Variants in NSFL1C observed in about 807,000 individuals in gnomAD.
NSFL1C encodes NSFL1 cofactor p47.
Under a neutral mutation model 43.1 loss-of-function variants are expected in NSFL1C, and 14 were observed. The ratio of observed to expected loss-of-function variants is 0.32; its 90% CI spans 0.21 to 0.51. The LOEUF (loss-of-function observed/expected upper bound fraction) is 0.51. Ranked by LOEUF, NSFL1C falls within the 20% of genes least tolerant of loss-of-function variation. The probability of loss-of-function intolerance (pLI) is 0.98; values close to 1 mark genes in which losing one functional copy is unlikely to be tolerated. For synonymous variants in NSFL1C, 171 were observed against 183.5 expected (o/e 0.93, Z 0.55); for missense variants, 406 against 472.5 (o/e 0.86, Z 1.30).
chr20:1,462,503 T>A (rs2090431659), intron 2 of NSFL1C, among the ~76,000 whole-genome samples: 1 of 151,640 alleles, frequency 6.6e-6, no homozygotes, highest in South Asian at 2.1e-4. Flanking sequence ...AAACTCTATG[T>A]CCTTGATTCT....
chr20:1,464,217 CCTT>C (rs1447453129), intron 2 of NSFL1C, 109 bp downstream of exon 2: 12 of 852,796 alleles, frequency 1.4e-5, no homozygotes, highest in African/African-American at 3.3e-5. Flanking sequence ...CTCAGTCTAA[CCTT>C]CTCATTCAGA....
At chr20:1,455,233 C>T (rs2090273299) in intron 3 of NSFL1C, 101 bp from the exon 4 acceptor site, 2 of 1,335,326 alleles carry the variant, frequency 1.5e-6, no homozygotes, top group Non-Finnish European at 2.2e-6. Context: ...GGGTACAATG[C>T]TTGTCTTTAA....
chr20:1,445,010 CAATA>C (rs1365018807), intron 8 of NSFL1C, among the ~76,000 whole-genome samples: 3 of 152,208 alleles, frequency 2.0e-5, no homozygotes, highest in African/African-American at 7.2e-5. Flanking sequence ...GGCTCATGAC[CAATA>C]ACATTTAGAC....
intron 5 of NSFL1C, 140 bp downstream of exon 5, chr20:1,454,073 C>T (rs560409434): frequency 3.8e-4 from 252 of 665,464 alleles, no homozygotes; most frequent in African/African-American, 3.0e-3. Flanking sequence ...CGTCTTTGTT[C>T]GTGAACCACA....
intron 2 of NSFL1C, among the ~76,000 whole-genome samples, chr20:1,459,355 G>A (rs1340227081): frequency 6.6e-6 from 1 of 152,194 alleles, no homozygotes; most frequent in East Asian, 1.9e-4. Context: ...GTGAAGATGT[G>A]CTTGCTTCCC....
chr20:1,457,698 C>T (rs894197948), intron 3 of NSFL1C, among the ~76,000 whole-genome samples: 1 of 152,222 alleles, frequency 6.6e-6, no homozygotes, highest in East Asian at 1.9e-4. Context: ...TGTTTCTGTG[C>T]CTGGCTTATT....
chr20:1,462,742 C>T (rs1410497836), intron 2 of NSFL1C, among the ~76,000 whole-genome samples: 2 of 152,112 alleles, frequency 1.3e-5, no homozygotes, highest in East Asian at 3.9e-4. Flanking sequence ...CCAGGATGGT[C>T]TCAATCTCCT....
At position 1,466,453 on chromosome 20, in the gene NSFL1C, C is replaced by T. The variant is rs572875378; in HGVS notation, c.105+267G>A. Reference sequence around the variant, plus strand: ...AGGCGCTCCCTCTCCTCGCCGGCTGCCGCAGCGCCCGAAGTCTCGCTGACG... The same window carrying T: ...AGGCGCTCCCTCTCCTCGCCGGCTGTCGCAGCGCCCGAAGTCTCGCTGACG... On this transcript the variant is annotated intron_variant, in intron 1 of 8. Transcript: ENST00000216879. 1.3e-4 allele frequency among the ~76,000 whole-genome samples: 20 copies of T among 152,348 alleles called. No individual in the cohort carries two copies. In the South Asian group the frequency reaches 3.9e-3, roughly 30 times the overall value.
At chr20:1,452,424 T>C (rs1049974798) in intron 7 of NSFL1C, 69 bp downstream of exon 7, 12 of 1,574,024 alleles carry the variant, frequency 7.6e-6, no homozygotes, top group Admixed American at 5.5e-5. Flanking sequence ...AAGTGAGTGA[T>C]ACACAGGGTC....
At chr20:1,447,852 C>T (rs13044015) in intron 7 of NSFL1C, among the ~76,000 whole-genome samples, 4,095 of 152,202 alleles carry the variant, frequency 0.027, 84 homozygotes, top group Non-Finnish European at 0.042. Context: ...GCCACGACCT[C>T]GCTGAATCAC....
At chr20:1,444,563 T>C (rs2122792484) in intron 8 of NSFL1C, among the ~76,000 whole-genome samples, 1 of 152,354 alleles carries the variant, frequency 6.6e-6, no homozygotes, top group South Asian at 2.1e-4. Flanking sequence ...CTGGAAACAA[T>C]GCCTCCTTCC....
intron 2 of NSFL1C, among the ~76,000 whole-genome samples, chr20:1,462,664 G>C (rs893731343): frequency 1.3e-5 from 2 of 152,016 alleles, no homozygotes; most frequent in Admixed American, 1.3e-4. Context: ...TGGGATGACA[G>C]GCTCCTGCCA....
intron 1 of NSFL1C, among the ~76,000 whole-genome samples, chr20:1,465,366 T>C (rs1370788978): frequency 6.6e-6 from 1 of 152,212 alleles, no homozygotes; most frequent in East Asian, 1.9e-4. Flanking sequence ...GGAGCCTACA[T>C]TCAAGTCCTG....
intron 2 of NSFL1C, among the ~76,000 whole-genome samples, chr20:1,459,694 G>A (rs2090371885): frequency 6.6e-6 from 1 of 152,194 alleles, no homozygotes; most frequent in African/African-American, 2.4e-5. Context: ...CCCTGCATGA[G>A]TTGGCTCCTG....
chr20:1,443,786 T>G lies in NSFL1C; in HGVS notation c.1076A>C (p.Asn359Thr). The G allele has an allele frequency of 6.2e-7, 1 of 1,614,176 alleles. No individual in the cohort carries two copies. Among genetic ancestry groups the G allele is most frequent in the Non-Finnish European group, 8.5e-7 (1 of 1,180,032 alleles). Residue 359 changes from asparagine (N) to threonine (T), a missense_variant, in exon 9 of 9, where the codon AAC (asparagine) becomes ACC (threonine). Transcript: ENST00000216879. ...CTGCACGATGACAGCATTGAGCAGG[T>G]TGGCTTCCTTCAGGGTCTGGCTCTC... ...ADESQTLKEA[N>T]LLNAVIVQRL... is the part of the protein sequence containing the mutation.
chr20:1,448,417 G>A (rs1427015734), intron 7 of NSFL1C, among the ~76,000 whole-genome samples: 1 of 152,160 alleles, frequency 6.6e-6, no homozygotes, highest in African/African-American at 2.4e-5. Flanking sequence ...TAATGTGCAC[G>A]CAAGGCCTGG....
chr20:1,444,441 A>C (rs1262548637), intron 8 of NSFL1C, among the ~76,000 whole-genome samples: 1 of 152,216 alleles, frequency 6.6e-6, no homozygotes. Flanking sequence ...ATATCACAGG[A>C]GGCACTTAAA....
chr20:1,450,940 G>C (rs1191802052), intron 7 of NSFL1C, among the ~76,000 whole-genome samples: 1 of 152,150 alleles, frequency 6.6e-6, no homozygotes, highest in Non-Finnish European at 1.5e-5. Flanking sequence ...AAAGTAAAAA[G>C]CAGGTGATAC....
At chr20:1,464,594 G>A (rs959849338) in intron 1 of NSFL1C, among the ~76,000 whole-genome samples, 168 bp from the exon 2 acceptor site, 1 of 152,196 alleles carries the variant, frequency 6.6e-6, no homozygotes, top group African/African-American at 2.4e-5. Flanking sequence ...GTTAGTCTTC[G>A]TGTCAACTGA....
Sources: gnomAD v4.1 joint callset for allele counts (sites outside exome capture counted in the v4.1 genomes callset) on GRCh38, gnomAD v4.1.1 for gene constraint, MANE v1.5 for transcripts, NCBI Gene and HGNC (gene_info 2026-07-23, HGNC 2026-07-21) for gene names.